The following CLSTN2 variants were observed in gnomAD, a reference collection of about 807,000 sequenced individuals.
The protein encoded by CLSTN2 is calsyntenin-2.
CLSTN2 carries 48 observed loss-of-function variants against 101.2 expected under a neutral mutation model. That is an observed-to-expected ratio of 0.47 (90% CI 0.38 to 0.60). The LOEUF is 0.60. Among genes scored for constraint, CLSTN2 ranks in the 20% least tolerant of loss-of-function variants. CLSTN2 has a pLI of 0.00. For synonymous variants in CLSTN2, 481 were observed against 463.6 expected, an observed-to-expected ratio of 1.04 and a Z score of -0.48; for missense variants, 1,160 against 1,238.2, an observed-to-expected ratio of 0.94 and a Z score of 0.95.
chr3:140,215,313 C>G (rs1366814092), intron 2 of CLSTN2, among the ~76,000 whole-genome samples: 3 of 152,160 alleles, frequency 2.0e-5, no homozygotes, highest in Non-Finnish European at 4.4e-5. Context: ...CCACCTATCC[C>G]TGGGCCTAAT....
intron 11 of CLSTN2, 135 bp downstream of exon 11, chr3:140,556,796 T>A: frequency 1.3e-6 from 1 of 774,742 alleles, no homozygotes; most frequent in Non-Finnish European, 2.0e-6. Context: ...GCTATTCCTC[T>A]GAGGATGCCT....
intron 1 of CLSTN2, among the ~76,000 whole-genome samples, chr3:140,005,528 T>C (rs1248404234): frequency 6.6e-6 from 1 of 152,156 alleles, no homozygotes; most frequent in Non-Finnish European, 1.5e-5. Flanking sequence ...TCTTTGTGTC[T>C]CCTTTCGGCC....
intron 1 of CLSTN2, among the ~76,000 whole-genome samples, chr3:140,097,824 A>G (rs1481797280): frequency 1.3e-5 from 2 of 152,196 alleles, no homozygotes; most frequent in African/African-American, 4.8e-5. Flanking sequence ...AGATTAGGAG[A>G]TAAAGAATGT....
At chr3:139,978,738 T>G (rs1935864908) in intron 1 of CLSTN2, among the ~76,000 whole-genome samples, 1 of 149,750 alleles carries the variant, frequency 6.7e-6, no homozygotes, top group Non-Finnish European at 1.5e-5. Context: ...AACTAAATCC[T>G]CATCTTCCAA....
chr3:139,962,271 A>G (rs953087212), intron 1 of CLSTN2, among the ~76,000 whole-genome samples: 6 of 152,174 alleles, frequency 3.9e-5, no homozygotes, highest in Admixed American at 3.9e-4. Flanking sequence ...GTCATTTTTA[A>G]CAGGTTTAAT....
rs759692635 is a variant in CLSTN2, at chr3:140,556,623, G to A, written c.1785G>A (p.Thr595=). Residue 595 remains threonine, a synonymous_variant, in exon 11 of 17, where the codon ACG becomes ACA. Coordinates refer to ENST00000458420, the MANE Select transcript of CLSTN2 (RefSeq NM_022131.3). ...VSYINSRQFP[T]AGVRRLKVSS... is the part of the protein sequence containing the mutation. The stretch of plus-strand genomic sequence containing the variant: ...ACATCAACTCCAGGCAGTTCCCAAC[G>A]GCGGGTGTGCGGCGCCTCAAAGTAT... 46 of 1,614,078 alleles carry A rather than the reference G, an allele frequency of 2.8e-5. No homozygotes were observed. The highest frequency in any genetic ancestry group is 1.4e-4 in the South Asian group (13 of 91,074).
At chr3:140,325,539 T>C (rs930968556) in intron 2 of CLSTN2, among the ~76,000 whole-genome samples, 2 of 152,124 alleles carry the variant, frequency 1.3e-5, no homozygotes, top group African/African-American at 4.8e-5. Flanking sequence ...TCAAAGACTT[T>C]CCTCCCCATC....
At chr3:140,174,209 C>T (rs114088994) in intron 1 of CLSTN2, among the ~76,000 whole-genome samples, 1,589 of 152,230 alleles carry the variant, frequency 0.01, 30 homozygotes, top group African/African-American at 0.036. Flanking sequence ...GTTCAAAGTC[C>T]CACAAGTGTC....
intron 1 of CLSTN2, among the ~76,000 whole-genome samples, chr3:140,012,362 A>G (rs1467739064): frequency 6.6e-6 from 1 of 152,148 alleles, no homozygotes; most frequent in Non-Finnish European, 1.5e-5. Flanking sequence ...AAGCAACAGA[A>G]AATTCAATAA....
intron 2 of CLSTN2, among the ~76,000 whole-genome samples, chr3:140,253,507 A>T (rs1219873420): frequency 1.3e-5 from 2 of 152,216 alleles, no homozygotes; most frequent in African/African-American, 4.8e-5. Flanking sequence ...CCACTTTAAA[A>T]ACCCAAAAAC....
At chr3:140,290,182 G>A (rs2086934914) in intron 2 of CLSTN2, among the ~76,000 whole-genome samples, 1 of 152,058 alleles carries the variant, frequency 6.6e-6, no homozygotes, top group African/African-American at 2.4e-5. Flanking sequence ...CCATTTCGAT[G>A]AAGTGTTTGA....
intron 1 of CLSTN2, among the ~76,000 whole-genome samples, chr3:140,171,753 T>C (rs1189455079): frequency 2.5e-5 from 2 of 81,254 alleles, no homozygotes; most frequent in Non-Finnish European, 5.0e-5. Context: ...ATATAATATG[T>C]ATAATATATA....
chr3:140,203,230 A>C (rs1337622350), intron 2 of CLSTN2, among the ~76,000 whole-genome samples: 2 of 152,332 alleles, frequency 1.3e-5, no homozygotes. Flanking sequence ...ATTAGGACTG[A>C]GAAAGGATCA....
intron 2 of CLSTN2, among the ~76,000 whole-genome samples, chr3:140,296,389 C>T (rs1056496805): frequency 6.6e-6 from 1 of 152,234 alleles, no homozygotes; most frequent in Non-Finnish European, 1.5e-5. Context: ...TTTCCTCACA[C>T]TTCTGCTCAC....
intron 1 of CLSTN2, among the ~76,000 whole-genome samples, chr3:140,141,800 C>T (rs1455262479): frequency 6.6e-6 from 1 of 152,168 alleles, no homozygotes; most frequent in Non-Finnish European, 1.5e-5. Flanking sequence ...CTTGTGCTTA[C>T]CACCTGAGGA....
At chr3:140,008,663 C>T (rs2007009320) in intron 1 of CLSTN2, among the ~76,000 whole-genome samples, 1 of 152,208 alleles carries the variant, frequency 6.6e-6, no homozygotes, top group Admixed American at 6.5e-5. Context: ...TCAGGGCTTC[C>T]AGAGTTTCAA....
intron 2 of CLSTN2, among the ~76,000 whole-genome samples, chr3:140,297,166 T>C (rs1430629458): frequency 6.6e-6 from 1 of 152,244 alleles, no homozygotes; most frequent in Non-Finnish European, 1.5e-5. Context: ...TTGTGTTTGT[T>C]TGCCAAGTAT....
intron 2 of CLSTN2, among the ~76,000 whole-genome samples, chr3:140,231,855 A>G (rs1341148412): frequency 6.6e-6 from 1 of 152,210 alleles, no homozygotes; most frequent in African/African-American, 2.4e-5. Flanking sequence ...TGTGTAGTGT[A>G]GTAGTTAGGA....
In CLSTN2 at chr3:139,935,351, A is replaced by G; in HGVS notation, c.-24A>G. The G allele has an allele frequency of 8.3e-7, 1 of 1,198,426 alleles. No homozygotes were observed. Among genetic ancestry groups the G allele is most frequent in the Non-Finnish European group, 1.0e-6 (1 of 958,980 alleles). The allele number at this position is 1,198,426 out of a possible 1,614,324, so 74.2% of individuals were successfully genotyped here. ...GGCGCGGACAGTAGGCGGCGGCTGCAGCTCGTTGGCGGCTGCTGCGAGGAT... is the reference window on the plus strand; with the variant it reads ...GGCGCGGACAGTAGGCGGCGGCTGCGGCTCGTTGGCGGCTGCTGCGAGGAT... On this transcript the variant is annotated 5_prime_UTR_variant, in exon 1 of 17. Coordinates refer to ENST00000458420, the MANE Select transcript of CLSTN2 (RefSeq NM_022131.3). This position sits in a 1 kb window ranked among gnomAD's most constrained non-coding sequence, Gnocchi z 5.5.
Sources: allele counts gnomAD v4.1 joint callset (sites outside exome capture counted in the v4.1 genomes callset), GRCh38; gene constraint gnomAD v4.1.1; non-coding constraint Gnocchi (gnomAD v3.1); transcripts MANE v1.5; gene names NCBI Gene and HGNC (gene_info 2026-07-23, HGNC 2026-07-21).